The following CHD1L variants were observed in gnomAD, a reference collection of about 807,000 sequenced individuals.
CHD1L encodes chromodomain helicase DNA binding protein 1 like, also known as ATP-dependent chromatin remodeler CHD1L.
A neutral mutation model predicts 115.9 loss-of-function variants in CHD1L; 118 were observed. The observed-to-expected ratio is 1.02, with a 90% confidence interval of 0.88 to 1.19. The LOEUF is 1.19. Ranked by LOEUF, CHD1L falls within the 50% of genes most tolerant of loss-of-function variation. The pLI is 0.00. For missense variants in CHD1L, 1,179 were observed against 1,065.3 expected, an observed-to-expected ratio of 1.11 and a Z score of -1.49; for synonymous variants, 411 against 387.1, an observed-to-expected ratio of 1.06 and a Z score of -0.72.
chr1:147,204,311 G>T, the CHD1L span: 1 of 966,562 alleles, frequency 1.0e-6, no homozygotes, highest in Non-Finnish European at 1.7e-6. Context: ...CCACAGCCCA[G>T]AATTTTACAA....
chr1:147,213,478 G>C, the CHD1L span: 1 of 1,593,630 alleles, frequency 6.3e-7, no homozygotes, highest in Non-Finnish European at 8.5e-7. Flanking sequence ...GGTCTGAAAA[G>C]AAAAGTGATA....
chr1:147,174,225 C>T, the CHD1L span, among the ~76,000 whole-genome samples: 1 of 152,144 alleles, frequency 6.6e-6, no homozygotes, highest in Non-Finnish European at 1.5e-5. Flanking sequence ...CCTCCAAAAT[C>T]TTTATGTCTG....
chr1:147,282,005 C>G (rs2102854747), intron 15 of CHD1L, among the ~76,000 whole-genome samples: 1 of 152,296 alleles, frequency 6.6e-6, no homozygotes, highest in East Asian at 1.9e-4. Context: ...TCATCATTAG[C>G]TATAGTCACC....
Position 147,270,117 on chromosome 1 carries a change from G to A in CHD1L, c.1086-815G>A, listed in dbSNP as rs182510386. 5.8e-4 allele frequency among the ~76,000 whole-genome samples: 89 copies of A among 152,220 alleles called. 1 individual carries two copies. The East Asian group carries it at 8.9e-3, about 15-fold the overall frequency. ...GTTCATTGCTTTCTCTACCCATTTG[G>A]GGCTTGAATCTTGAAAGAGTTCCCC... On this transcript the variant is annotated intron_variant, in intron 10 of 22. Coordinates refer to ENST00000369258, the MANE Select transcript of CHD1L (RefSeq NM_004284.6).
rs199838516 is a variant in CHD1L, at chr1:147,285,354, A to G, written c.1885A>G (p.Thr629Ala). The G allele has an allele frequency of 3.0e-5, 49 of 1,613,972 alleles. No homozygotes were observed. The highest frequency in any genetic ancestry group is 3.4e-5 in the Non-Finnish European group (40 of 1,179,940). ...VLIPGLVEGS[T>A]KRKRVLSPEE... is the part of the protein sequence containing the mutation. Reference sequence around the variant, plus strand: ...CATCCCAGGCCTTGTGGAGGGATCTACCAAAAGGAAGCGGGTTCTGAGTCC... The same window carrying G: ...CATCCCAGGCCTTGTGGAGGGATCTGCCAAAAGGAAGCGGGTTCTGAGTCC... Residue 629 changes from threonine (T) to alanine (A), a missense_variant, in exon 17 of 23, where the codon ACC becomes GCC. By Grantham distance (58) the Thr-to-Ala change is moderately conservative (BLOSUM62 0). Coordinates refer to ENST00000369258, the MANE Select transcript of CHD1L (RefSeq NM_004284.6).
At chr1:147,182,352 G>A in the CHD1L span, among the ~76,000 whole-genome samples, 1 of 152,186 alleles carries the variant, frequency 6.6e-6, no homozygotes, top group African/African-American at 2.4e-5. Context: ...TATAGCTACA[G>A]TGGGCCATCT....
chr1:147,280,293 TC>T (rs1680331265), intron 15 of CHD1L, 102 bp downstream of exon 15: 4 of 1,215,902 alleles, frequency 3.3e-6, no homozygotes, highest in Non-Finnish European at 4.5e-6. Flanking sequence ...GCATCTTTTT[TC>T]TCCCTTACCC....
chr1:147,179,374 G>C, the CHD1L span: 2 of 1,600,028 alleles, frequency 1.2e-6, no homozygotes, highest in Non-Finnish European at 1.7e-6. Context: ...AGAACTTGGC[G>C]AGAAGCTCAG....
At chr1:147,186,609 C>T in the CHD1L span, 1 of 1,102,232 alleles carries the variant, frequency 9.1e-7, no homozygotes, top group Admixed American at 4.7e-5. Context: ...GCACCTACCA[C>T]ATGTCAAGAA....
rs1553974469 is a variant in CHD1L, at chr1:147,294,434, A to C, written c.2532A>C (p.Gly844=). Residue 844 remains glycine (G), a synonymous_variant, in exon 22 of 23, where the codon GGA becomes GGC. Coordinates refer to ENST00000369258, the MANE Select transcript of CHD1L (RefSeq NM_004284.6). ...CAAGTGTTCATCTTCCACGTATTGG[A>C]CATGCCACGAAAGGTTTTAACTGGT... The part of the protein sequence containing the change: ...KKASVHLPRI[G]HATKGFNWYG... 6.2e-7 allele frequency: 1 copy of C among 1,612,476 alleles called. No homozygotes were observed. The highest frequency in any genetic ancestry group is 8.5e-7 in the Non-Finnish European group (1 of 1,179,344).
the CHD1L span, chr1:147,184,395 A>T: frequency 7.8e-7 from 1 of 1,278,238 alleles, no homozygotes; most frequent in African/African-American, 1.5e-5. The surrounding 1 kb of genome is among the most constrained non-coding windows in gnomAD (Gnocchi z 4.4). Flanking sequence ...TACATTATTA[A>T]CCAAAATGCA....
chr1:147,213,491 C>T, the CHD1L span: 1 of 1,576,610 alleles, frequency 6.3e-7, no homozygotes, highest in Non-Finnish European at 8.6e-7. Flanking sequence ...AAGTGATAAC[C>T]ACAGGGGACA....
chr1:147,267,675 G>A (rs1429744456), intron 9 of CHD1L, among the ~76,000 whole-genome samples, 157 bp downstream of exon 9: 1 of 152,026 alleles, frequency 6.6e-6, no homozygotes, highest in Non-Finnish European at 1.5e-5. Context: ...TTCATGTTCA[G>A]ATATCTTCAG....
intron 15 of CHD1L, among the ~76,000 whole-genome samples, chr1:147,281,093 T>A (rs782331038): frequency 2.6e-5 from 4 of 152,196 alleles, no homozygotes; most frequent in Admixed American, 1.3e-4. Context: ...CACAAACTTG[T>A]CAAAGGATGT....
At chr1:147,176,037 C>T in the CHD1L span, 5,588 of 151,802 alleles carry the variant, frequency 0.037, 154 homozygotes, top group South Asian at 0.097. Flanking sequence ...ATCTTGACTG[C>T]AGTGGAGTTA....
the CHD1L span, among the ~76,000 whole-genome samples, chr1:147,185,591 A>C: frequency 3.9e-5 from 6 of 152,208 alleles, 1 homozygote; most frequent in Middle Eastern, 3.2e-3. Flanking sequence ...TGTAGTTCTC[A>C]CATTTCCAGT....
At chr1:147,197,579 T>C in the CHD1L span, among the ~76,000 whole-genome samples, 1 of 152,082 alleles carries the variant, frequency 6.6e-6, no homozygotes, top group East Asian at 1.9e-4. Flanking sequence ...TCTCACGAGA[T>C]CTGATGGTTT....
chr1:147,265,593 A>G (rs767874365), intron 7 of CHD1L, among the ~76,000 whole-genome samples: 18 of 152,204 alleles, frequency 1.2e-4, no homozygotes, highest in Non-Finnish European at 2.1e-4. Context: ...TAACTTAGCT[A>G]TAAAAATGGG....
chr1:147,273,231 G>A (rs1430538085), intron 12 of CHD1L, among the ~76,000 whole-genome samples: 1 of 152,074 alleles, frequency 6.6e-6, no homozygotes, highest in Non-Finnish European at 1.5e-5. Context: ...CAACTCATAG[G>A]ATCCTAGTTT....
Sources: allele counts gnomAD v4.1 joint callset (sites outside exome capture counted in the v4.1 genomes callset), GRCh38; gene constraint gnomAD v4.1.1; non-coding constraint Gnocchi (gnomAD v3.1); transcripts MANE v1.5; gene names NCBI Gene and HGNC (gene_info 2026-07-23, HGNC 2026-07-21).